The following GPC5 variants were observed in gnomAD, a reference collection of about 807,000 sequenced individuals.
GPC5 encodes glypican-5.
Under a neutral mutation model 53.9 loss-of-function variants are expected in GPC5, and 47 were observed. That is an observed-to-expected ratio of 0.87 (90% CI 0.69 to 1.11). GPC5 has a LOEUF of 1.11. Among genes scored for constraint, GPC5 ranks in the 50% most tolerant of loss-of-function variants. The pLI is 0.00. For missense variants in GPC5, 748 were observed against 713.1 expected (o/e 1.05, Z -0.56); for synonymous variants, 286 against 263.3 (o/e 1.09, Z -0.84).
intron 2 of GPC5, among the ~76,000 whole-genome samples, chr13:91,538,932 T>C (rs1317563112): frequency 6.6e-6 from 1 of 152,116 alleles, no homozygotes; most frequent in Admixed American, 6.6e-5. Flanking sequence ...AATTTATTTT[T>C]GTCTGGTTGG....
chr13:92,348,784 A>G (rs1594121499), intron 7 of GPC5, among the ~76,000 whole-genome samples: 1 of 152,328 alleles, frequency 6.6e-6, no homozygotes, highest in Non-Finnish European at 1.5e-5. Context: ...CAAAAAACTC[A>G]CAAATACATA....
intron 6 of GPC5, among the ~76,000 whole-genome samples, chr13:92,068,791 AATTT>A (rs1481510236): frequency 6.6e-6 from 1 of 151,734 alleles, no homozygotes; most frequent in African/African-American, 2.4e-5. Flanking sequence ...ATTTGTTTTT[AATTT>A]ATTGTACTTT....
intron 5 of GPC5, among the ~76,000 whole-genome samples, chr13:91,771,656 G>A (rs886623246): frequency 1.3e-5 from 2 of 152,102 alleles, no homozygotes; most frequent in Non-Finnish European, 2.9e-5. Context: ...ATGTGTAGGA[G>A]GAAAAGTTGA....
At chr13:92,372,398 A>G (rs1594141508) in intron 7 of GPC5, among the ~76,000 whole-genome samples, 1 of 152,340 alleles carries the variant, frequency 6.6e-6, no homozygotes, top group South Asian at 2.1e-4. Context: ...TATTACAAAT[A>G]TCTGTAAACA....
intron 6 of GPC5, among the ~76,000 whole-genome samples, chr13:92,142,952 T>C (rs1217045204): frequency 6.6e-6 from 1 of 152,184 alleles, no homozygotes; most frequent in Non-Finnish European, 1.5e-5. Flanking sequence ...ATTCTTTCAA[T>C]TAATGTGTTC....
In GPC5 at chr13:92,457,277, T is replaced by G. The variant is rs139302958; in HGVS notation, c.1561+312288T>G. Among the ~76,000 whole-genome samples the G allele has an allele frequency of 2.9e-3, 445 of 152,272 alleles. 2 individuals are homozygous for G. Among genetic ancestry groups the G allele is most frequent in the African/African-American group, 0.01 (428 of 41,546 alleles). On this transcript the variant is annotated intron_variant, in intron 7 of 7. Transcript: ENST00000377067. ...GGCACCTAGGTTGATTCCATGTCTTTGCTATGGTGAATAGTGCTGTGATGA... is the reference window on the plus strand; with the variant it reads ...GGCACCTAGGTTGATTCCATGTCTTGGCTATGGTGAATAGTGCTGTGATGA...
chr13:92,354,432 G>C (rs1355484165), intron 7 of GPC5, among the ~76,000 whole-genome samples: 1 of 152,078 alleles, frequency 6.6e-6, no homozygotes, highest in African/African-American at 2.4e-5. Context: ...TGATAATTTT[G>C]ACTAATCAAC....
At position 91,454,613 on chromosome 13, in the gene GPC5, A is replaced by T. The variant is rs147578294; in HGVS notation, c.325+5691A>T. Among the ~76,000 whole-genome samples, 7 of 152,216 alleles carry T rather than the reference A, an allele frequency of 4.6e-5. No homozygotes were observed. In the East Asian group the frequency reaches 5.8e-4, roughly 13 times the overall value. ...TTAATTTTTGAAACTCAGAGCAGAT[A>T]CTCAGCAAATATAATTAAATGAACT... On this transcript the variant is annotated intron_variant, in intron 2 of 7. Transcript: ENST00000377067.
At chr13:92,194,832 T>C (rs1439389083) in intron 7 of GPC5, among the ~76,000 whole-genome samples, 1 of 152,214 alleles carries the variant, frequency 6.6e-6, no homozygotes, top group South Asian at 2.1e-4. Flanking sequence ...GGCCTTTCCT[T>C]GTAATCTAAG....
chr13:92,588,128 A>G (rs1477287773), intron 7 of GPC5, among the ~76,000 whole-genome samples: 2 of 151,790 alleles, frequency 1.3e-5, no homozygotes, highest in Non-Finnish European at 2.9e-5. Context: ...CCCTGTGTGC[A>G]TGTGTTCTCA....
chr13:91,788,748 G>C (rs1207767001), intron 5 of GPC5, among the ~76,000 whole-genome samples: 2 of 152,162 alleles, frequency 1.3e-5, no homozygotes, highest in Non-Finnish European at 2.9e-5. Flanking sequence ...TGTATAAATA[G>C]AGGTGGCTGG....
chr13:91,750,757 C>T (rs577377797), intron 4 of GPC5, among the ~76,000 whole-genome samples: 47 of 148,430 alleles, frequency 3.2e-4, no homozygotes, highest in Non-Finnish European at 1.6e-4. Context: ...CTTGGCTCAC[C>T]ACAACCTCTG....
intron 7 of GPC5, among the ~76,000 whole-genome samples, chr13:92,522,208 G>A (rs1881083549): frequency 6.6e-6 from 1 of 152,134 alleles, no homozygotes; most frequent in Admixed American, 6.5e-5. Context: ...AAGACAGTGT[G>A]GCGATTCCTC....
chr13:92,696,815 G>A (rs980130586), intron 7 of GPC5, among the ~76,000 whole-genome samples: 4 of 152,100 alleles, frequency 2.6e-5, no homozygotes, highest in African/African-American at 9.7e-5. Context: ...TTATTCTGGG[G>A]TTTTTATGGT....
chr13:92,519,531 G>A (rs1487884990), intron 7 of GPC5, among the ~76,000 whole-genome samples: 1 of 152,154 alleles, frequency 6.6e-6, no homozygotes, highest in African/African-American at 2.4e-5. Flanking sequence ...AATGACTACT[G>A]GGTACATAAT....
At chr13:92,281,057 C>T (rs562303695) in intron 7 of GPC5, among the ~76,000 whole-genome samples, 3 of 152,332 alleles carry the variant, frequency 2.0e-5, no homozygotes, top group Admixed American at 1.3e-4. Flanking sequence ...ACTAATACTG[C>T]GCTTTTCCAA....
intron 7 of GPC5, among the ~76,000 whole-genome samples, chr13:92,385,237 A>G (rs1281680901): frequency 1.3e-5 from 2 of 150,448 alleles, no homozygotes; most frequent in Non-Finnish European, 3.0e-5. Flanking sequence ...TGACAATAGT[A>G]GTAAGTTTTG....
At chr13:92,838,092 A>AT (rs1878281188) in intron 7 of GPC5, among the ~76,000 whole-genome samples, 1 of 151,886 alleles carries the variant, frequency 6.6e-6, no homozygotes, top group South Asian at 2.1e-4. Flanking sequence ...AAATAAAAAA[A>AT]AAAAAATTAA....
At chr13:92,825,722 CTA>C (rs2138814994) in intron 7 of GPC5, among the ~76,000 whole-genome samples, 1 of 152,154 alleles carries the variant, frequency 6.6e-6, no homozygotes, top group East Asian at 1.9e-4. Context: ...CCTCACTATA[CTA>C]TGTTTATGGG....
Sources: allele counts gnomAD v4.1 joint callset (sites outside exome capture counted in the v4.1 genomes callset), GRCh38; gene constraint gnomAD v4.1.1; transcripts MANE v1.5; gene names NCBI Gene and HGNC (gene_info 2026-07-23, HGNC 2026-07-21).